The following SPOCK3 variants were observed in gnomAD, a reference collection of about 807,000 sequenced individuals.
SPOCK3 encodes testican-3.
A neutral mutation model predicts 56.6 loss-of-function variants in SPOCK3; 30 were observed. That is an observed-to-expected ratio of 0.53 (90% CI 0.40 to 0.72). SPOCK3 has a LOEUF of 0.72. SPOCK3 is among the 30% of genes least tolerant of loss of function. The probability of loss-of-function intolerance (pLI) is 0.00; values close to 1 mark genes in which losing one functional copy is unlikely to be tolerated. For missense variants in SPOCK3, 527 were observed against 530.0 expected, an observed-to-expected ratio of 0.99 and a Z score of 0.06; for synonymous variants, 196 against 183.3, an observed-to-expected ratio of 1.07 and a Z score of -0.56.
At chr4:166,828,908 T>G (rs369392540) in intron 6 of SPOCK3, among the ~76,000 whole-genome samples, 1 of 152,142 alleles carries the variant, frequency 6.6e-6, no homozygotes. Flanking sequence ...GAGAGGAATG[T>G]GCTGAGATGT....
At chr4:166,822,212 A>G (rs1251749587) in intron 6 of SPOCK3, among the ~76,000 whole-genome samples, 1 of 151,998 alleles carries the variant, frequency 6.6e-6, no homozygotes, top group Non-Finnish European at 1.5e-5. Flanking sequence ...CATGAATGGT[A>G]TTTGCTCTGA....
intron 6 of SPOCK3, among the ~76,000 whole-genome samples, chr4:166,866,095 G>A (rs886313184): frequency 1.3e-5 from 2 of 152,034 alleles, no homozygotes; most frequent in African/African-American, 2.4e-5. Context: ...ATAGACCAAT[G>A]CAACAGAACA....
intron 6 of SPOCK3, among the ~76,000 whole-genome samples, chr4:166,804,124 G>C (rs1742905506): frequency 6.6e-6 from 1 of 152,092 alleles, no homozygotes; most frequent in African/African-American, 2.4e-5. Flanking sequence ...CCATGCTTAG[G>C]AGTAGTAGTA....
intron 4 of SPOCK3, among the ~76,000 whole-genome samples, chr4:166,949,739 A>G (rs1015662778): frequency 3.3e-5 from 5 of 152,130 alleles, no homozygotes; most frequent in Non-Finnish European, 5.9e-5. Flanking sequence ...GTGAAGTGTC[A>G]GTCTGCCCAC....
rs1226149546 is a variant in SPOCK3 at position 166,859,767 on chromosome 4, AGGGGG to A, written c.589+29358_589+29362del. Among the ~76,000 whole-genome samples the A allele has an allele frequency of 5.3e-5, 8 of 152,242 alleles. No homozygotes were observed. The South Asian group carries it at 6.2e-4, about 12-fold the overall frequency. On this transcript the variant is annotated intron_variant, in intron 6 of 10. Transcript: ENST00000357545. ...AATGTTTTAAGGATAATTAGCATCC[AGGGGG>A]TTCCTTGTACTAAATAGGACACATC...
chr4:167,147,342 G>A (rs1764048626), intron 2 of SPOCK3, among the ~76,000 whole-genome samples: 1 of 152,056 alleles, frequency 6.6e-6, no homozygotes, highest in African/African-American at 2.4e-5. Context: ...AAAAGTCCAG[G>A]ACCAGTTGGA....
intron 4 of SPOCK3, among the ~76,000 whole-genome samples, chr4:166,998,308 C>T (rs1207848554): frequency 6.6e-6 from 1 of 152,128 alleles, no homozygotes; most frequent in Non-Finnish European, 1.5e-5. Context: ...ACCCTCTCCA[C>T]CACTACACCA....
At chr4:167,208,062 C>A (rs1734524887) in intron 2 of SPOCK3, among the ~76,000 whole-genome samples, 1 of 152,028 alleles carries the variant, frequency 6.6e-6, no homozygotes, top group South Asian at 2.1e-4. Flanking sequence ...ACCCCTACTC[C>A]CAGATTCCTA....
chr4:167,038,407 G>C (rs1752951075), intron 3 of SPOCK3, among the ~76,000 whole-genome samples: 1 of 152,050 alleles, frequency 6.6e-6, no homozygotes, highest in Non-Finnish European at 1.5e-5. Flanking sequence ...TCTTGCCAAG[G>C]TGGCTCTGAT....
At chr4:166,903,278 A>C (rs192146286) in intron 5 of SPOCK3, among the ~76,000 whole-genome samples, 1 of 151,992 alleles carries the variant, frequency 6.6e-6, no homozygotes, top group East Asian at 1.9e-4. Flanking sequence ...GAAAGTATAT[A>C]TTGAGGCTTC....
At chr4:166,762,415 T>C (rs182453480) in intron 7 of SPOCK3, among the ~76,000 whole-genome samples, 1 of 152,096 alleles carries the variant, frequency 6.6e-6, no homozygotes, top group Non-Finnish European at 1.5e-5. Context: ...AGGGTCTGCA[T>C]AGAGAAACGG....
At chr4:167,112,830 T>G (rs977670857) in intron 2 of SPOCK3, among the ~76,000 whole-genome samples, 9 of 100,032 alleles carry the variant, frequency 9.0e-5, no homozygotes, top group South Asian at 4.0e-4. Context: ...AAGGACTCTG[T>G]TCAAAAGTGC....
chr4:166,950,118 C>T (rs1214080539), intron 4 of SPOCK3, among the ~76,000 whole-genome samples: 1 of 151,256 alleles, frequency 6.6e-6, no homozygotes, highest in Admixed American at 6.6e-5. Flanking sequence ...ACTAAATGCT[C>T]CAATTAAAAG....
intron 6 of SPOCK3, among the ~76,000 whole-genome samples, chr4:166,843,260 CT>C (rs1216725030): frequency 6.6e-6 from 1 of 152,228 alleles, no homozygotes; most frequent in East Asian, 1.9e-4. Flanking sequence ...GGCTGAAGGG[CT>C]TCTCAAGCTT....
intron 4 of SPOCK3, among the ~76,000 whole-genome samples, chr4:166,992,345 A>G (rs1159831565): frequency 6.6e-6 from 1 of 152,170 alleles, no homozygotes; most frequent in Non-Finnish European, 1.5e-5. Context: ...TAAAATTGCT[A>G]TCACTGACAT....
chr4:166,895,513 T>C (rs1735283625), intron 5 of SPOCK3, among the ~76,000 whole-genome samples: 2 of 152,076 alleles, frequency 1.3e-5, no homozygotes, highest in Non-Finnish European at 2.9e-5. Context: ...GAAAAGACTT[T>C]GAATACTTCA....
chr4:166,823,830 C>T (rs1410775236), intron 6 of SPOCK3, among the ~76,000 whole-genome samples: 2 of 152,040 alleles, frequency 1.3e-5, no homozygotes, highest in Non-Finnish European at 2.9e-5. Context: ...ACCTCCAAAG[C>T]CCACTGGCAC....
chr4:167,167,843 G>A (rs1473981679), intron 2 of SPOCK3, among the ~76,000 whole-genome samples: 1 of 152,128 alleles, frequency 6.6e-6, no homozygotes, highest in Non-Finnish European at 1.5e-5. Context: ...GAATAGTAGT[G>A]ATATGGTTTG....
At chr4:166,845,514 G>T in intron 6 of SPOCK3, among the ~76,000 whole-genome samples, 1 of 152,064 alleles carries the variant, frequency 6.6e-6, no homozygotes, top group African/African-American at 2.4e-5. Context: ...TACTTCCTGA[G>T]TACTGTTTAA....
Sources: gnomAD v4.1 joint callset for allele counts (sites outside exome capture counted in the v4.1 genomes callset) on GRCh38, gnomAD v4.1.1 for gene constraint, MANE v1.5 for transcripts, NCBI Gene and HGNC (gene_info 2026-07-23, HGNC 2026-07-21) for gene names.